RNF8: variants seen among roughly 807,000 people sequenced by gnomAD.
RNF8 encodes E3 ubiquitin-protein ligase RNF8.
RNF8 carries 8 observed loss-of-function variants against 59.3 expected under a neutral mutation model. The ratio of observed to expected loss-of-function variants is 0.13; its 90% CI spans 0.08 to 0.24. The LOEUF is 0.24. Ranked by LOEUF, RNF8 falls within the 10% of genes least tolerant of loss-of-function variation. The probability of loss-of-function intolerance (pLI) is 1.00; values close to 1 mark genes in which losing one functional copy is unlikely to be tolerated. For missense variants in RNF8, 406 were observed against 572.6 expected, an observed-to-expected ratio of 0.71 and a Z score of 2.97; for synonymous variants, 162 against 200.0, an observed-to-expected ratio of 0.81 and a Z score of 1.60.
At chr6:37,376,064 C>T (rs369990274) in intron 5 of RNF8, among the ~76,000 whole-genome samples, 45 of 152,274 alleles carry the variant, frequency 3.0e-4, no homozygotes, top group African/African-American at 1.1e-3. Flanking sequence ...CAGAGGTGTA[C>T]CTTACTTTAC....
chr6:37,361,841 C>T (rs1286716366), intron 2 of RNF8, among the ~76,000 whole-genome samples: 1 of 152,198 alleles, frequency 6.6e-6, no homozygotes, highest in East Asian at 1.9e-4. Context: ...TTTAGCAAGG[C>T]ACCATGAGCA....
chr6:37,365,056 A>G (rs1193805463), intron 2 of RNF8, among the ~76,000 whole-genome samples: 2 of 152,194 alleles, frequency 1.3e-5, no homozygotes, highest in African/African-American at 4.8e-5. Flanking sequence ...GGCGTGAGCC[A>G]CCACACCTGG....
chr6:37,379,101 C>T (rs1465657153), intron 6 of RNF8, among the ~76,000 whole-genome samples: 2 of 152,174 alleles, frequency 1.3e-5, no homozygotes, highest in Non-Finnish European at 2.9e-5. Flanking sequence ...ACTGCAGCCT[C>T]CTCCTCTTGG....
intron 4 of RNF8, 92 bp downstream of exon 4, chr6:37,371,666 C>G (rs1769811156): frequency 4.0e-6 from 4 of 1,008,662 alleles, no homozygotes; most frequent in Non-Finnish European, 6.2e-6. Context: ...GCTGCTTAGC[C>G]CATACCTCTG....
In RNF8 at chr6:37,369,099, G is replaced by T; in HGVS notation, c.856G>T (p.Val286Leu). 1 of 1,614,238 alleles carries T rather than the reference G, an allele frequency of 6.2e-7. No individual in the cohort carries two copies. Among genetic ancestry groups the T allele is most frequent in the Non-Finnish European group, 8.5e-7 (1 of 1,180,040 alleles). ...CCAAAAGGGGAACTCAAAGAAAGTT[G>T]TGCAAATGGAGCAGGAACTTCAGGA... ...QTQKGNSKKV[V>L]QMEQELQDLQ... The change falls in exon 3 of 8, where the codon GTG (valine) becomes TTG (leucine). Residue 286 changes from valine (V) to leucine (L), a missense_variant. Transcript: ENST00000373479.
chr6:37,373,241 G>C (rs1461404342), intron 4 of RNF8, among the ~76,000 whole-genome samples: 4 of 143,700 alleles, frequency 2.8e-5, no homozygotes, highest in Non-Finnish European at 4.4e-5. Flanking sequence ...GTTAGAAATG[G>C]GTCCAGACCT....
chr6:37,354,093 G>T lies in RNF8; in HGVS notation c.-72G>T, dbSNP rs1769015419. Reference sequence around the variant, plus strand: ...GTTATTTAGATATGGAAGCTGAGGGGATGCACAGAGGCAGCCAGAACCTAG... The same window carrying T: ...GTTATTTAGATATGGAAGCTGAGGGTATGCACAGAGGCAGCCAGAACCTAG... On this transcript the variant is annotated 5_prime_UTR_variant, in exon 1 of 8. Transcript: ENST00000373479. 15 of 1,207,836 alleles carry T rather than the reference G, an allele frequency of 1.2e-5. No individual in the cohort carries two copies. Among genetic ancestry groups the T allele is most frequent in the Non-Finnish European group, 1.8e-5 (15 of 834,362 alleles). The allele number at this position is 1,207,836 out of a possible 1,614,324, so 74.8% of individuals were successfully genotyped here. A position where few individuals can be genotyped will look rare whatever the true frequency, so the allele number is the denominator to read the frequency against.
chr6:37,356,967 G>A (rs1333831878), intron 1 of RNF8, among the ~76,000 whole-genome samples: 1 of 152,160 alleles, frequency 6.6e-6, no homozygotes, highest in Non-Finnish European at 1.5e-5. Flanking sequence ...TCGAACTCCT[G>A]GCCTCATGTG....
At chr6:37,385,374 T>C (rs1239422526) in intron 7 of RNF8, among the ~76,000 whole-genome samples, 1 of 147,478 alleles carries the variant, frequency 6.8e-6, no homozygotes, top group East Asian at 2.2e-4. Context: ...ACGGCTGTAA[T>C]CCCAGCACTT....
chr6:37,376,048 T>C (rs1010012220), intron 5 of RNF8, among the ~76,000 whole-genome samples: 4 of 152,152 alleles, frequency 2.6e-5, no homozygotes, highest in African/African-American at 9.7e-5. Flanking sequence ...TCCAGCCTTC[T>C]GCCTCCAGAG....
intron 4 of RNF8, among the ~76,000 whole-genome samples, chr6:37,372,959 G>C (rs796732190): frequency 1.3e-5 from 2 of 151,944 alleles, no homozygotes; most frequent in Non-Finnish European, 2.9e-5. Context: ...ACAAGACTCC[G>C]TCTCAAAAAA....
Position 37,389,216 on chromosome 6 carries a change from A to G in RNF8, c.1442-1526A>G, listed in dbSNP as rs181227785. Among the ~76,000 whole-genome samples the G allele has an allele frequency of 3.0e-3, 463 of 152,218 alleles. 2 individuals are homozygous for G. Among genetic ancestry groups the G allele is most frequent in the African/African-American group, 0.011 (444 of 41,532 alleles). ...ATGAAGAGTTATAAAGTGAGAAGTCAGCGTTTGAAATGCTGCTGAGACATT... is the reference window on the plus strand; with the variant it reads ...ATGAAGAGTTATAAAGTGAGAAGTCGGCGTTTGAAATGCTGCTGAGACATT... On this transcript the variant is annotated intron_variant, in intron 7 of 7. Transcript: ENST00000373479.
Position 37,391,378 on chromosome 6 carries a change from G to A in RNF8, c.*620G>A, listed in dbSNP as rs1770722871. The A allele has an allele frequency of 6.5e-6, 1 of 153,022 alleles. No individual in the cohort carries two copies. The highest frequency in any genetic ancestry group is 2.4e-5 in the African/African-American group (1 of 41,414). The allele number at this position is 153,022 out of a possible 1,614,324, so 9.5% of individuals were successfully genotyped here. A position where few individuals can be genotyped will look rare whatever the true frequency, so the allele number is the denominator to read the frequency against. On this transcript the variant is annotated 3_prime_UTR_variant, in exon 8 of 8. Transcript: ENST00000373479. ...AGACTTCAAGTGAATGTCAGCCTAA[G>A]AGGCCAAGCTGCAGATCGTGGCAAC...
intron 2 of RNF8, among the ~76,000 whole-genome samples, chr6:37,365,142 C>T (rs1367884101): frequency 1.3e-5 from 2 of 152,164 alleles, no homozygotes; most frequent in African/African-American, 4.8e-5. Flanking sequence ...TGTGCTCCAC[C>T]CCTACTACCT....
intron 1 of RNF8, chr6:37,359,264 C>T (rs1265090569): frequency 4.5e-6 from 2 of 443,004 alleles, no homozygotes; most frequent in Admixed American, 2.6e-5. Context: ...TCCGGAAGCT[C>T]TCAAGCTGTT....
chr6:37,386,867 T>A (rs1770527050), intron 7 of RNF8, among the ~76,000 whole-genome samples: 1 of 152,202 alleles, frequency 6.6e-6, no homozygotes, highest in African/African-American at 2.4e-5. Context: ...TAAAATTTTC[T>A]CCTGCCCTTT....
intron 2 of RNF8, among the ~76,000 whole-genome samples, chr6:37,367,994 G>A (rs1297014691): frequency 6.6e-6 from 1 of 152,182 alleles, no homozygotes; most frequent in Admixed American, 6.5e-5. Context: ...CCCAGTACCA[G>A]ATATAGTACT....
At chr6:37,364,178 CAAAAA>C (rs35915593) in intron 2 of RNF8, among the ~76,000 whole-genome samples, 20 of 82,322 alleles carry the variant, frequency 2.4e-4, no homozygotes, top group African/African-American at 1.0e-3. Flanking sequence ...GACTCTGTCT[CAAAAA>C]AAAAAAAAAA....
chr6:37,356,610 A>C (rs376167721), intron 1 of RNF8, among the ~76,000 whole-genome samples: 1 of 152,244 alleles, frequency 6.6e-6, no homozygotes, highest in African/African-American at 2.4e-5. Context: ...CTCAGGTACT[A>C]TAAAGTATCT....
Sources: gnomAD v4.1 joint callset for allele counts (sites outside exome capture counted in the v4.1 genomes callset) on GRCh38, gnomAD v4.1.1 for gene constraint, MANE v1.5 for transcripts, NCBI Gene and HGNC (gene_info 2026-07-23, HGNC 2026-07-21) for gene names.